The following FUT8 variants were observed in gnomAD, a reference collection of about 807,000 sequenced individuals.
FUT8 encodes fucosyltransferase 8.
FUT8 carries 29 observed loss-of-function variants against 71.3 expected under a neutral mutation model. That is an observed-to-expected ratio of 0.41 (90% CI 0.30 to 0.55). The LOEUF (loss-of-function observed/expected upper bound fraction) is 0.55, where lower values mean the gene tolerates loss of function less well. Among genes scored for constraint, FUT8 ranks in the 20% least tolerant of loss-of-function variants. FUT8 has a pLI of 0.34. For missense variants in FUT8, 544 were observed against 702.1 expected (o/e 0.77, Z 2.55); for synonymous variants, 254 against 239.3 (o/e 1.06, Z -0.57).
At chr14:65,576,555 G>C (rs1267489543) in intron 3 of FUT8, among the ~76,000 whole-genome samples, 1 of 151,712 alleles carries the variant, frequency 6.6e-6, no homozygotes, top group Admixed American at 6.6e-5. Context: ...CCAAGACAGG[G>C]TCTTGCTCTG....
intron 1 of FUT8, among the ~76,000 whole-genome samples, chr14:65,415,646 G>T (rs2065208798): frequency 6.6e-6 from 1 of 150,508 alleles, no homozygotes; most frequent in Non-Finnish European, 1.5e-5. Flanking sequence ...TTAATTGTGT[G>T]GTAAGCTAGG....
In FUT8 at chr14:65,504,304, A is replaced by T. The variant is rs1254167356; in HGVS notation, c.-228+48586A>T. Among the ~76,000 whole-genome samples the T allele has an allele frequency of 2.6e-5, 4 of 152,168 alleles. No homozygotes were observed. The East Asian group carries it at 7.7e-4, about 29-fold the overall frequency. ...ATTTGTCCAATCTTTGCTTCAAAGG[A>T]CCTGTTCCTGGAGACTCAAATGTAG... On this transcript the variant is annotated intron_variant, in intron 2 of 10. Coordinates refer to ENST00000673929, the MANE Select transcript of FUT8 (RefSeq NM_001371533.1).
At chr14:65,710,996 G>A (rs1894787294) in intron 7 of FUT8, among the ~76,000 whole-genome samples, 1 of 152,080 alleles carries the variant, frequency 6.6e-6, no homozygotes, top group South Asian at 2.1e-4. Flanking sequence ...AGTAGAGCAG[G>A]AACTCACTCA....
intron 1 of FUT8, among the ~76,000 whole-genome samples, chr14:65,453,257 A>T (rs916266246): frequency 6.6e-6 from 1 of 151,828 alleles, no homozygotes. Flanking sequence ...TCCTGTTGCA[A>T]CTTCTTGAGT....
chr14:65,398,041 C>G, the FUT8 span, among the ~76,000 whole-genome samples: 1 of 152,200 alleles, frequency 6.6e-6, no homozygotes, highest in Non-Finnish European at 1.5e-5. Flanking sequence ...GTGTAATATC[C>G]TTTCTCTTAT....
At chr14:65,512,033 G>A (rs1346856085) in intron 2 of FUT8, among the ~76,000 whole-genome samples, 1 of 152,126 alleles carries the variant, frequency 6.6e-6, no homozygotes, top group Non-Finnish European at 1.5e-5. Context: ...TGGGGTATAT[G>A]GTATAGCCTA....
intron 6 of FUT8, among the ~76,000 whole-genome samples, chr14:65,633,671 G>A (rs1163478847): frequency 2.4e-5 from 3 of 123,638 alleles, no homozygotes; most frequent in Non-Finnish European, 3.5e-5. Context: ...GCCCGGCCAC[G>A]ACCCCGTCTG....
chr14:65,359,291 C>T, the FUT8 span, among the ~76,000 whole-genome samples: 1 of 152,270 alleles, frequency 6.6e-6, no homozygotes, highest in African/African-American at 2.4e-5. Flanking sequence ...AGAGAAGAAA[C>T]CAATAAACAA....
At chr14:65,720,018 C>T (rs1015365848) in intron 7 of FUT8, among the ~76,000 whole-genome samples, 1 of 152,220 alleles carries the variant, frequency 6.6e-6, no homozygotes, top group Non-Finnish European at 1.5e-5. Context: ...GTGGCAAAGC[C>T]AGTCAGGCTT....
At chr14:65,575,892 T>G (rs1594782160) in intron 3 of FUT8, among the ~76,000 whole-genome samples, 1 of 152,154 alleles carries the variant, frequency 6.6e-6, no homozygotes, top group East Asian at 1.9e-4. Context: ...AGTGCTAAGA[T>G]TACAAGTGTG....
chr14:65,418,857 G>A (rs910607947), intron 1 of FUT8, among the ~76,000 whole-genome samples: 4 of 152,098 alleles, frequency 2.6e-5, no homozygotes, highest in African/African-American at 9.7e-5. Context: ...TTATTATAAT[G>A]ATATCATTTC....
At chr14:65,609,915 A>G (rs780479568) in intron 3 of FUT8, among the ~76,000 whole-genome samples, 2 of 151,908 alleles carry the variant, frequency 1.3e-5, no homozygotes, top group Non-Finnish European at 1.5e-5. Context: ...TTTTAAATTT[A>G]TAAGTCGTGC....
intron 2 of FUT8, among the ~76,000 whole-genome samples, chr14:65,488,071 C>T (rs2139710129): frequency 6.6e-6 from 1 of 152,292 alleles, no homozygotes; most frequent in East Asian, 1.9e-4. Context: ...GTCCTCCCAC[C>T]TCTGCCTCCC....
intron 7 of FUT8, among the ~76,000 whole-genome samples, chr14:65,688,425 T>G (rs745880481): frequency 1.6e-4 from 24 of 151,708 alleles, no homozygotes; most frequent in Non-Finnish European, 2.5e-4. Flanking sequence ...TCATTTCTTT[T>G]TATTGCTGAA....
At chr14:65,605,509 A>G (rs528298525) in intron 3 of FUT8, among the ~76,000 whole-genome samples, 6 of 152,114 alleles carry the variant, frequency 3.9e-5, no homozygotes, top group Non-Finnish European at 7.4e-5. Context: ...GGGCAAACAA[A>G]AGAGGGGAGG....
At chr14:65,630,575 AG>A (rs1216080980) in intron 6 of FUT8, among the ~76,000 whole-genome samples, 1 of 152,234 alleles carries the variant, frequency 6.6e-6, no homozygotes, top group African/African-American at 2.4e-5. Flanking sequence ...GACTAGAAGC[AG>A]GGAGACCATT....
chr14:65,650,056 G>A (rs1219434464), intron 6 of FUT8, among the ~76,000 whole-genome samples: 1 of 152,084 alleles, frequency 6.6e-6, no homozygotes, highest in Admixed American at 6.5e-5. Flanking sequence ...CAGCACTTTG[G>A]GAGGCCAAGG....
chr14:65,617,107 C>T (rs768784236), intron 5 of FUT8: 3 of 1,595,548 alleles, frequency 1.9e-6, no homozygotes, highest in East Asian at 4.5e-5. Context: ...ATGGCAATTA[C>T]TGTCTCATTA....
chr14:65,733,009 G>T (rs965497177), intron 9 of FUT8, among the ~76,000 whole-genome samples: 1 of 152,142 alleles, frequency 6.6e-6, no homozygotes, highest in South Asian at 2.1e-4. Context: ...ATGTGTGTAT[G>T]TGTGTTTTAT....
Sources: allele counts gnomAD v4.1 joint callset (sites outside exome capture counted in the v4.1 genomes callset), GRCh38; gene constraint gnomAD v4.1.1; transcripts MANE v1.5; gene names NCBI Gene and HGNC (gene_info 2026-07-23, HGNC 2026-07-21).